The following ERC1 variants were observed in gnomAD, a reference collection of about 807,000 sequenced individuals.
ERC1 encodes ELKS/RAB6-interacting/CAST family member 1, also known as RAB6 interacting protein 2.
Under a neutral mutation model 132.0 loss-of-function variants are expected in ERC1, and 56 were observed. The ratio of observed to expected loss-of-function variants is 0.42; its 90% CI spans 0.34 to 0.53. The LOEUF is 0.53. Ranked by LOEUF, ERC1 falls within the 20% of genes least tolerant of loss-of-function variation. The probability of loss-of-function intolerance (pLI) is 0.03; values close to 1 mark genes in which losing one functional copy is unlikely to be tolerated. For missense variants in ERC1, 1,202 were observed against 1,349.9 expected (o/e 0.89, Z 1.72); for synonymous variants, 478 against 476.1 (o/e 1.00, Z -0.05).
chr12:1,179,750 G>T (rs538637339), intron 8 of ERC1, among the ~76,000 whole-genome samples: 12 of 152,026 alleles, frequency 7.9e-5, no homozygotes, highest in Non-Finnish European at 1.3e-4. Flanking sequence ...CTCGTGATCT[G>T]CCCGCCTCGG....
intron 15 of ERC1, among the ~76,000 whole-genome samples, chr12:1,359,409 G>A (rs1210156038): frequency 6.6e-6 from 1 of 152,148 alleles, no homozygotes; most frequent in Non-Finnish European, 1.5e-5. Flanking sequence ...ACCACAGACT[G>A]AGTAATTTAT....
rs771037693 is a variant in ERC1, at chr12:1,183,397, G to T, written c.2133G>T (p.Leu711=). 5 of 1,574,590 alleles carry T rather than the reference G, an allele frequency of 3.2e-6. No individual in the cohort carries two copies. In the African/African-American group the frequency reaches 6.7e-5, roughly 21 times the overall value. The change falls in exon 11 of 19, where the codon CTG becomes CTT. Residue 711 remains leucine, a synonymous_variant. Coordinates refer to ENST00000360905, the MANE Select transcript of ERC1 (RefSeq NM_178040.4). ...TGGAGCAGAAGAAGGAGGAGTGTCT[G>T]AAAATGGAATCACAATTGAAAAAGG... ...IALEQKKEEC[L]KMESQLKKAH...
At chr12:1,465,765 A>C (rs2093730834) in intron 18 of ERC1, among the ~76,000 whole-genome samples, 2 of 152,154 alleles carry the variant, frequency 1.3e-5, no homozygotes, top group African/African-American at 4.8e-5. Flanking sequence ...CCTGGTCCCA[A>C]AAGTCCCAGC....
At position 1,344,371 on chromosome 12, in the gene ERC1, AAG is replaced by A. The variant is rs1232584740; in HGVS notation, c.2781-27459_2781-27458del. Among the ~76,000 whole-genome samples, 5 of 152,278 alleles carry A rather than the reference AAG, an allele frequency of 3.3e-5. No homozygotes were observed. In the South Asian group the frequency reaches 6.2e-4, roughly 19 times the overall value. On this transcript the variant is annotated intron_variant, in intron 15 of 18. Transcript: ENST00000360905. ...GCATCTCAGTGGGAGAAAGGGGGGA[AAG>A]AGGGGTTTTAACACAGTGTTCTCTT...
At chr12:1,132,717 T>TGTTA (rs1566046730) in intron 7 of ERC1, among the ~76,000 whole-genome samples, 1 of 151,916 alleles carries the variant, frequency 6.6e-6, no homozygotes, top group East Asian at 1.9e-4. Flanking sequence ...ATGGAAAGGC[T>TGTTA]TTTTTCTGAA....
chr12:1,433,002 G>A (rs1021636026), intron 17 of ERC1, among the ~76,000 whole-genome samples: 5 of 152,244 alleles, frequency 3.3e-5, no homozygotes, highest in Non-Finnish European at 7.3e-5. Flanking sequence ...TGTTTGAATG[G>A]CCATAGCCAC....
At chr12:1,189,219 G>A (rs1000125405) in intron 11 of ERC1, among the ~76,000 whole-genome samples, 1 of 152,160 alleles carries the variant, frequency 6.6e-6, no homozygotes. Flanking sequence ...ATCCTTAAGT[G>A]TGGTTCTCGA....
intron 14 of ERC1, among the ~76,000 whole-genome samples, chr12:1,272,491 G>A (rs2077933602): frequency 6.6e-6 from 1 of 152,144 alleles, no homozygotes; most frequent in Non-Finnish European, 1.5e-5. Context: ...TCTAGAAGTT[G>A]TAGATTTGCA....
At chr12:1,455,101 T>C (rs1220068014) in intron 18 of ERC1, among the ~76,000 whole-genome samples, 1 of 152,256 alleles carries the variant, frequency 6.6e-6, no homozygotes, top group African/African-American at 2.4e-5. Flanking sequence ...TTTAAATTGC[T>C]GCGCAATAGA....
rs377130345 is a variant in ERC1 at position 1,315,338 on chromosome 12, GTTTT to G, written c.2780+25330_2780+25333del. ...AGCCCATATTCAGAAGTTTTCTACA[GTTTT>G]TTTGTTTTGTTTTGTTTTGTTTTTT... On this transcript the variant is annotated intron_variant, in intron 15 of 18. Coordinates refer to ENST00000360905, the MANE Select transcript of ERC1 (RefSeq NM_178040.4). Among the ~76,000 whole-genome samples the G allele has an allele frequency of 3.2e-3, 476 of 150,756 alleles. 5 individuals carry two copies. Among genetic ancestry groups the G allele is most frequent in the African/African-American group, 0.011 (460 of 40,394 alleles).
chr12:1,286,676 T>A (rs2079064436), intron 14 of ERC1, among the ~76,000 whole-genome samples: 1 of 152,160 alleles, frequency 6.6e-6, no homozygotes, highest in Non-Finnish European at 1.5e-5. Context: ...TATAGTAAAC[T>A]TCAAAATCTG....
chr12:1,095,596 CT>C (rs1943924079), intron 3 of ERC1, among the ~76,000 whole-genome samples: 1 of 152,152 alleles, frequency 6.6e-6, no homozygotes. Context: ...ACTTCTACCT[CT>C]AATTTTTTCA....
At chr12:1,366,449 A>G (rs1328440016) in intron 15 of ERC1, among the ~76,000 whole-genome samples, 1 of 152,238 alleles carries the variant, frequency 6.6e-6, no homozygotes, top group African/African-American at 2.4e-5. Flanking sequence ...TTAAGTGAGT[A>G]GCCAGATTTT....
At chr12:993,603 C>T (rs897273307) in intron 1 of ERC1, among the ~76,000 whole-genome samples, 3 of 152,072 alleles carry the variant, frequency 2.0e-5, no homozygotes, top group South Asian at 2.1e-4. Flanking sequence ...ATACTGCAAA[C>T]TTAAAAGTGA....
intron 7 of ERC1, among the ~76,000 whole-genome samples, chr12:1,138,018 GTA>G (rs1377152348): frequency 1.7e-5 from 2 of 118,144 alleles, no homozygotes; most frequent in African/African-American, 3.4e-5. Context: ...ATGTGTAAAT[GTA>G]TATATTATAT....
In ERC1 at chr12:1,027,969, C is replaced by T. The variant is rs371125113; in HGVS notation, c.66C>T (p.Pro22=). 106 of 1,613,982 alleles carry T rather than the reference C, an allele frequency of 6.6e-5. 1 individual carries two copies. Among genetic ancestry groups the T allele is most frequent in the Non-Finnish European group, 8.8e-5 (104 of 1,179,994 alleles). The part of the protein sequence containing the change: ...EPSSQSPGRS[P]RLPRSPRLGH... ...GCAGCCAGAGCCCTGGGCGTTCACC[C>T]AGGCTTCCACGTTCCCCTCGCTTGG... Residue 22 remains proline (P), a synonymous_variant, in exon 2 of 19, where the codon CCC becomes CCT. Transcript: ENST00000360905.
chr12:1,229,636 T>G (rs888188242), intron 12 of ERC1, among the ~76,000 whole-genome samples: 1 of 152,222 alleles, frequency 6.6e-6, no homozygotes, highest in Admixed American at 6.5e-5. Flanking sequence ...CTCCTTGTAC[T>G]CCTGTGGATC....
intron 16 of ERC1, among the ~76,000 whole-genome samples, chr12:1,400,908 A>ATTTTTTTTTTTTT (rs2090967822): frequency 4.6e-5 from 2 of 43,400 alleles, no homozygotes; most frequent in Non-Finnish European, 1.1e-4. Flanking sequence ...TGTTTTGGCT[A>ATTTTTTTTTTTTT]TTTTTGTATT....
intron 8 of ERC1, among the ~76,000 whole-genome samples, chr12:1,173,076 T>A (rs1363590109): frequency 1.3e-5 from 2 of 152,180 alleles, no homozygotes; most frequent in Non-Finnish European, 2.9e-5. Context: ...CAGTAGGGGG[T>A]ACATTTTAAG....
Sources: allele counts gnomAD v4.1 joint callset (sites outside exome capture counted in the v4.1 genomes callset), GRCh38; gene constraint gnomAD v4.1.1; transcripts MANE v1.5; gene names NCBI Gene and HGNC (gene_info 2026-07-23, HGNC 2026-07-21).